PRKG1: variants seen among roughly 807,000 people sequenced by gnomAD.
The protein encoded by PRKG1 is cGMP-dependent protein kinase 1.
PRKG1 carries 35 observed loss-of-function variants against 88.1 expected under a neutral mutation model. The ratio of observed to expected loss-of-function variants is 0.40; its 90% CI spans 0.30 to 0.53. The LOEUF (loss-of-function observed/expected upper bound fraction) is 0.53, where lower values mean the gene tolerates loss of function less well. Ranked by LOEUF, PRKG1 falls within the 20% of genes least tolerant of loss-of-function variation. The probability of loss-of-function intolerance (pLI) is 0.59; values close to 1 mark genes in which losing one functional copy is unlikely to be tolerated. For synonymous variants in PRKG1, 303 were observed against 292.5 expected (o/e 1.04, Z -0.37); for missense variants, 540 against 839.8 (o/e 0.64, Z 4.41).
chr10:51,172,411 CA>C (rs1837051115), intron 2 of PRKG1, among the ~76,000 whole-genome samples: 1 of 151,852 alleles, frequency 6.6e-6, no homozygotes, highest in Non-Finnish European at 1.5e-5. Context: ...ATTGTTAAGA[CA>C]ATAAAGTATT....
intron 3 of PRKG1, among the ~76,000 whole-genome samples, chr10:51,794,451 C>A (rs750199698): frequency 6.6e-6 from 1 of 151,966 alleles, no homozygotes; most frequent in Non-Finnish European, 1.5e-5. Context: ...ACATGTTAGG[C>A]CACAAAATTA....
intron 5 of PRKG1, among the ~76,000 whole-genome samples, chr10:51,984,195 C>T (rs1285355458): frequency 1.3e-5 from 2 of 152,100 alleles, no homozygotes; most frequent in Non-Finnish European, 2.9e-5. Flanking sequence ...TGAGAAATTA[C>T]TTGGGATTAG....
At chr10:52,275,109 G>A (rs564514131) in intron 12 of PRKG1, among the ~76,000 whole-genome samples, 18 of 152,150 alleles carry the variant, frequency 1.2e-4, no homozygotes, top group African/African-American at 3.9e-4. Flanking sequence ...AGACTGTGAA[G>A]ACTTTCTCCC....
At chr10:51,969,034 T>C (rs1477323094) in intron 5 of PRKG1, among the ~76,000 whole-genome samples, 4 of 152,000 alleles carry the variant, frequency 2.6e-5, no homozygotes, top group African/African-American at 9.7e-5. Flanking sequence ...GACAATAAAA[T>C]GGATTAAAAT....
At chr10:51,454,057 C>A (rs1839512377) in intron 2 of PRKG1, among the ~76,000 whole-genome samples, 1 of 151,940 alleles carries the variant, frequency 6.6e-6, no homozygotes, top group Non-Finnish European at 1.5e-5. Flanking sequence ...AAGATCTCTG[C>A]AAAGAAACTT....
chr10:52,057,919 A>G (rs1388395877), intron 6 of PRKG1, among the ~76,000 whole-genome samples: 5 of 152,096 alleles, frequency 3.3e-5, no homozygotes, highest in Admixed American at 6.6e-5. Context: ...AAAGATATAC[A>G]TTATTACCAA....
intron 3 of PRKG1, among the ~76,000 whole-genome samples, chr10:51,669,655 G>T (rs932487709): frequency 1.3e-5 from 2 of 152,052 alleles, no homozygotes; most frequent in African/African-American, 2.4e-5. Flanking sequence ...TGATCCCAGG[G>T]TTATATAATT....
At chr10:51,615,910 C>T (rs1249901195) in intron 3 of PRKG1, among the ~76,000 whole-genome samples, 1 of 151,936 alleles carries the variant, frequency 6.6e-6, no homozygotes, top group Non-Finnish European at 1.5e-5. Flanking sequence ...TGTGTTCTGA[C>T]CTTGATATCT....
At chr10:51,968,628 C>A (rs1843629162) in intron 5 of PRKG1, among the ~76,000 whole-genome samples, 1 of 151,786 alleles carries the variant, frequency 6.6e-6, no homozygotes, top group Admixed American at 6.6e-5. Context: ...CGAGACCAGC[C>A]TGACCAATAT....
At chr10:51,878,605 T>C (rs1051681861) in intron 4 of PRKG1, among the ~76,000 whole-genome samples, 2 of 152,190 alleles carry the variant, frequency 1.3e-5, no homozygotes, top group South Asian at 2.1e-4. Context: ...TTCTAAGAGA[T>C]GCCTAATTGC....
chr10:51,980,667 CTG>C (rs1239984719), intron 5 of PRKG1, among the ~76,000 whole-genome samples: 1 of 152,112 alleles, frequency 6.6e-6, no homozygotes, highest in African/African-American at 2.4e-5. Flanking sequence ...GGGTGCTCCT[CTG>C]TTGGGCATGT....
intron 3 of PRKG1, among the ~76,000 whole-genome samples, chr10:51,760,741 G>A (rs1004374750): frequency 6.6e-6 from 1 of 151,976 alleles, no homozygotes; most frequent in African/African-American, 2.4e-5. Flanking sequence ...CGTGGTGCTG[G>A]GATTACAGGT....
chr10:51,485,393 G>A (rs559020425), intron 3 of PRKG1, among the ~76,000 whole-genome samples: 47 of 152,236 alleles, frequency 3.1e-4, no homozygotes, highest in African/African-American at 9.9e-4. Flanking sequence ...AATCTTCCGC[G>A]GAGGGTGGTT....
rs1319112349 is a variant in PRKG1 at position 52,166,795 on chromosome 10, A to ATATATATATATG, written c.1076+4834_1076+4835insTATATATATGTA. ...TCTTCAAATAAAAAAGCCTATATAT[A>ATATATATATATG]TACATATATATATGTATATATATGT... On this transcript the variant is annotated intron_variant, in intron 9 of 17. Transcript: ENST00000373980. 5.9e-3 allele frequency among the ~76,000 whole-genome samples: 140 copies of ATATATATATATG among 23,650 alleles called. 6 individuals are homozygous for ATATATATATATG. The highest frequency in any genetic ancestry group is 0.024 in the African/African-American group (129 of 5,342). The allele number at this position is 23,650 out of a possible 152,430, so 15.5% of individuals were successfully genotyped here. A position where few individuals can be genotyped will look rare whatever the true frequency, so the allele number is the denominator to read the frequency against.
At chr10:51,300,489 C>T (rs10822646) in intron 2 of PRKG1, among the ~76,000 whole-genome samples, 25,185 of 151,994 alleles carry the variant, frequency 0.17, 2,031 homozygotes, top group Middle Eastern at 0.2. Context: ...TGCTGAGTTC[C>T]GATTTAAATA....
intron 3 of PRKG1, among the ~76,000 whole-genome samples, chr10:51,492,290 A>G (rs1010193032): frequency 2.0e-5 from 3 of 152,132 alleles, no homozygotes; most frequent in Admixed American, 1.3e-4. Context: ...TTTTATAAGA[A>G]TATTCTTTTT....
At chr10:51,978,878 C>G (rs2133104414) in intron 5 of PRKG1, among the ~76,000 whole-genome samples, 1 of 152,070 alleles carries the variant, frequency 6.6e-6, no homozygotes, top group East Asian at 1.9e-4. Flanking sequence ...TATGGGTTTT[C>G]TAGGTATAGG....
At chr10:51,958,301 A>G (rs772209231) in intron 5 of PRKG1, among the ~76,000 whole-genome samples, 6 of 150,520 alleles carry the variant, frequency 4.0e-5, no homozygotes, top group Non-Finnish European at 8.9e-5. Context: ...AAAAGACCTT[A>G]GAACTTTTAG....
At chr10:51,514,267 G>A (rs370558000) in intron 3 of PRKG1, among the ~76,000 whole-genome samples, 17 of 152,044 alleles carry the variant, frequency 1.1e-4, no homozygotes, top group African/African-American at 3.1e-4. Context: ...TACATTCCTC[G>A]ACACATACAC....
Sources: gnomAD v4.1 joint callset for allele counts (sites outside exome capture counted in the v4.1 genomes callset) on GRCh38, gnomAD v4.1.1 for gene constraint, MANE v1.5 for transcripts, NCBI Gene and HGNC (gene_info 2026-07-23, HGNC 2026-07-21) for gene names.